TIMP2: variants seen among roughly 807,000 people sequenced by gnomAD.
TIMP2 encodes the protein metalloproteinase inhibitor 2.
A neutral mutation model predicts 24.3 loss-of-function variants in TIMP2; 5 were observed. The observed-to-expected ratio is 0.21, with a 90% CI of 0.11 to 0.43. TIMP2 has a LOEUF of 0.43. Ranked by LOEUF, TIMP2 falls within the 20% of genes least tolerant of loss-of-function variation. The pLI, the probability that TIMP2 is intolerant of heterozygous loss-of-function variation, is 1.00. For synonymous variants in TIMP2, 130 were observed against 123.2 expected, an observed-to-expected ratio of 1.06 and a Z score of -0.37; for missense variants, 221 against 297.5, an observed-to-expected ratio of 0.74 and a Z score of 1.89.
Position 78,881,155 on chromosome 17 carries a change from G to C in TIMP2, c.131-7236C>G, listed in dbSNP as rs1372912972. Among the ~76,000 whole-genome samples the C allele has an allele frequency of 2.6e-5, 4 of 152,260 alleles. No individual in the cohort carries two copies. In the East Asian group the frequency reaches 7.7e-4, roughly 29 times the overall value. On this transcript the variant is annotated intron_variant, in intron 1 of 4. Coordinates refer to ENST00000262768, the MANE Select transcript of TIMP2 (RefSeq NM_003255.5). ...TTGTGTGCACACTGACTCGGACTGG[G>C]AGGGTTTGCTCAGTATCACTGGAGG... is the stretch of plus-strand genomic sequence containing the variant.
At chr17:78,873,996 C>T (rs1347561382) in intron 1 of TIMP2, 77 bp from the exon 2 acceptor site, 1 of 1,391,884 alleles carries the variant, frequency 7.2e-7, no homozygotes, top group African/African-American at 1.4e-5. Context: ...ATAAGACGTC[C>T]AGGCCTGCGG....
chr17:78,876,025 T>C (rs2069724926), intron 1 of TIMP2, among the ~76,000 whole-genome samples: 1 of 152,178 alleles, frequency 6.6e-6, no homozygotes, highest in African/African-American at 2.4e-5. Flanking sequence ...AAAAGCCACA[T>C]CTAGGAAATG....
At chr17:78,873,759 A>T in intron 2 of TIMP2, 60 bp downstream of exon 2, 1 of 1,462,694 alleles carries the variant, frequency 6.8e-7, no homozygotes, top group Non-Finnish European at 9.5e-7. Context: ...CTCTCTGCCA[A>T]CCCCAACACC....
In TIMP2 at chr17:78,891,652, C is replaced by T. The variant is rs2069897018; in HGVS notation, c.131-17733G>A. The T allele has an allele frequency of 3.2e-6, 5 of 1,550,990 alleles. No homozygotes were observed. The East Asian group carries it at 9.8e-5, about 30-fold the overall frequency. On this transcript the variant is annotated intron_variant, in intron 1 of 4. Transcript: ENST00000262768. This position sits in a 1 kb window ranked among gnomAD's most constrained non-coding sequence, Gnocchi z 4.5. ...TCAGGGCTGGAACAAAGCAAACTGC[C>T]CCCTTTCCCAGTTGCCTCCTCCCCG...
chr17:78,876,433 C>T (rs1237255709), intron 1 of TIMP2, among the ~76,000 whole-genome samples: 1 of 152,082 alleles, frequency 6.6e-6, no homozygotes, highest in Admixed American at 6.6e-5. Context: ...CAATCTCAGC[C>T]ATCTCCCAGG....
rs549318393 is a variant in TIMP2, at chr17:78,853,817, T to C, written c.*1850A>G. The C allele has an allele frequency of 1.2e-3, 180 of 152,082 alleles. 1 individual carries two copies. The highest frequency in any genetic ancestry group is 4.2e-3 in the African/African-American group (175 of 41,308). The allele number at this position is 152,082 out of a possible 1,614,324, so 9.4% of individuals were successfully genotyped here. ...AACAATCAGCAGAAACAGGAGTAAA[T>C]GTTACATATGATATCACCATACAGG... On this transcript the variant is annotated 3_prime_UTR_variant, in exon 5 of 5. Transcript: ENST00000262768.
intron 1 of TIMP2, among the ~76,000 whole-genome samples, chr17:78,885,003 C>A (rs2069812941): frequency 6.6e-6 from 1 of 152,174 alleles, no homozygotes. Flanking sequence ...GGGGAGCAGG[C>A]CAGGAGGTGA....
chr17:78,896,049 C>G lies in TIMP2; in HGVS notation c.131-22130G>C, dbSNP rs917530424. Among the ~76,000 whole-genome samples, 1 of 152,246 alleles carries G rather than the reference C, an allele frequency of 6.6e-6. No individual in the cohort carries two copies. Among genetic ancestry groups the G allele is most frequent in the South Asian group, 2.1e-4 (1 of 4,836 alleles). The stretch of plus-strand genomic sequence containing the variant: ...CACGCAAACGGGTAAAAACTTAACA[C>G]ATTTGGGCAGAGATCTTTGGGATAA... On this transcript the variant is annotated intron_variant, in intron 1 of 4. Transcript: ENST00000262768. This position sits in a 1 kb window ranked among gnomAD's most constrained non-coding sequence, Gnocchi z 4.4.
intron 1 of TIMP2, among the ~76,000 whole-genome samples, chr17:78,914,503 G>A (rs926793675): frequency 6.0e-5 from 9 of 151,110 alleles, no homozygotes; most frequent in East Asian, 3.9e-4. Flanking sequence ...GGCTGGTCTC[G>A]AACTCCTGAC....
intron 1 of TIMP2, chr17:78,892,225 C>T (rs2145770793): frequency 1.3e-6 from 2 of 1,551,056 alleles, no homozygotes; most frequent in East Asian, 2.4e-5. Flanking sequence ...CTCTTCTCTG[C>T]AGAGCGAGAT....
chr17:78,859,602 G>T (rs759619957), intron 3 of TIMP2, among the ~76,000 whole-genome samples: 10 of 151,428 alleles, frequency 6.6e-5, no homozygotes, highest in Non-Finnish European at 1.2e-4. Flanking sequence ...GGTGGAGGTT[G>T]CAGTGAGCCG....
chr17:78,904,627 C>A (rs537879696), intron 1 of TIMP2: 7 of 152,284 alleles, frequency 4.6e-5, no homozygotes, highest in African/African-American at 1.7e-4. Flanking sequence ...TCTTCGCAGC[C>A]CTTGATGATT....
intron 1 of TIMP2, chr17:78,900,021 C>A (rs796757968): frequency 1.3e-5 from 2 of 152,120 alleles, no homozygotes; most frequent in Admixed American, 6.5e-5. Flanking sequence ...AAGGCGCCTA[C>A]GTAGAATATG....
intron 1 of TIMP2, chr17:78,903,220 G>C (rs1368565527): frequency 6.6e-6 from 1 of 152,324 alleles, no homozygotes; most frequent in Non-Finnish European, 1.5e-5. Flanking sequence ...GTTGCCATGG[G>C]AACAGCAGAG....
At chr17:78,912,400 G>A (rs753683554) in intron 1 of TIMP2, among the ~76,000 whole-genome samples, 75 of 152,232 alleles carry the variant, frequency 4.9e-4, no homozygotes, top group Middle Eastern at 3.4e-3. Context: ...CCCGATTACA[G>A]ATCAGAAAGG....
intron 3 of TIMP2, among the ~76,000 whole-genome samples, chr17:78,858,560 G>A (rs2069543826): frequency 1.3e-5 from 2 of 151,868 alleles, no homozygotes; most frequent in East Asian, 1.9e-4. Context: ...TTGCTCTGTC[G>A]CTCAGGCCAG....
intron 3 of TIMP2, among the ~76,000 whole-genome samples, chr17:78,859,810 G>A (rs2145745655): frequency 6.6e-6 from 1 of 152,086 alleles, no homozygotes. Flanking sequence ...TGGCCAACAT[G>A]GTGAAACCCC....
At chr17:78,906,048 T>C (rs1419946226) in intron 1 of TIMP2, among the ~76,000 whole-genome samples, 2 of 152,238 alleles carry the variant, frequency 1.3e-5, no homozygotes, top group Middle Eastern at 3.2e-3. Context: ...AATAACATTA[T>C]GTCTTATCAA....
chr17:78,916,146 A>T (rs2070256083), intron 1 of TIMP2, among the ~76,000 whole-genome samples: 1 of 152,030 alleles, frequency 6.6e-6, no homozygotes, highest in African/African-American at 2.4e-5. Context: ...GGTGTCCCCC[A>T]CTAGCTCCGA....
Sources: allele counts gnomAD v4.1 joint callset (sites outside exome capture counted in the v4.1 genomes callset), GRCh38; gene constraint gnomAD v4.1.1; non-coding constraint Gnocchi (gnomAD v3.1); transcripts MANE v1.5; gene names NCBI Gene and HGNC (gene_info 2026-07-23, HGNC 2026-07-21).